The following CTNNA3 variants were observed in gnomAD, a reference collection of about 807,000 sequenced individuals.
The protein encoded by CTNNA3 is catenin alpha 3.
Under a neutral mutation model 95.7 loss-of-function variants are expected in CTNNA3, and 76 were observed. That is an observed-to-expected ratio of 0.79 (90% CI 0.66 to 0.96). The LOEUF (loss-of-function observed/expected upper bound fraction) is 0.96, where lower values mean the gene tolerates loss of function less well. Ranked by LOEUF, CTNNA3 falls within the 40% of genes least tolerant of loss-of-function variation. The pLI is 0.00. For synonymous variants in CTNNA3, 431 were observed against 374.4 expected, an observed-to-expected ratio of 1.15 and a Z score of -1.74; for missense variants, 1,191 against 1,089.8, an observed-to-expected ratio of 1.09 and a Z score of -1.31.
At chr10:67,131,828 G>A (rs1860022852) in intron 7 of CTNNA3, among the ~76,000 whole-genome samples, 1 of 152,094 alleles carries the variant, frequency 6.6e-6, no homozygotes, top group Non-Finnish European at 1.5e-5. Context: ...GAGAATAAGT[G>A]AAAGAAAATG....
intron 7 of CTNNA3, among the ~76,000 whole-genome samples, chr10:67,094,297 A>G (rs1325589167): frequency 6.6e-6 from 1 of 151,894 alleles, no homozygotes; most frequent in Non-Finnish European, 1.5e-5. Flanking sequence ...TGGATATTCT[A>G]ACGAAATAAG....
chr10:67,140,225 C>T (rs925818094), intron 7 of CTNNA3, among the ~76,000 whole-genome samples: 1 of 152,080 alleles, frequency 6.6e-6, no homozygotes, highest in Non-Finnish European at 1.5e-5. Context: ...GGTAAGTCAT[C>T]ACTTCTTTAT....
At chr10:67,567,603 A>G (rs551422372) in intron 3 of CTNNA3, among the ~76,000 whole-genome samples, 1 of 152,250 alleles carries the variant, frequency 6.6e-6, no homozygotes, top group East Asian at 1.9e-4. Context: ...AAAAATCTGT[A>G]TCCTTTCATG....
chr10:67,469,040 T>C (rs1222175396), intron 5 of CTNNA3, among the ~76,000 whole-genome samples: 1 of 152,204 alleles, frequency 6.6e-6, no homozygotes, highest in Admixed American at 6.5e-5. Context: ...CAGAGGTAGT[T>C]GGGAAATAAG....
chr10:66,064,592 A>T (rs1420886784), intron 15 of CTNNA3, among the ~76,000 whole-genome samples: 3 of 152,204 alleles, frequency 2.0e-5, no homozygotes, highest in Non-Finnish European at 4.4e-5. Flanking sequence ...TGCTCCATCA[A>T]GCTGGTGTGT....
intron 10 of CTNNA3, among the ~76,000 whole-genome samples, chr10:66,555,677 T>C (rs1842368095): frequency 6.6e-6 from 1 of 152,098 alleles, no homozygotes; most frequent in Non-Finnish European, 1.5e-5. Context: ...TTTAGTTCTC[T>C]TCATGAGAAG....
chr10:66,659,027 T>C (rs890877693), intron 9 of CTNNA3, among the ~76,000 whole-genome samples: 12 of 152,096 alleles, frequency 7.9e-5, no homozygotes, highest in African/African-American at 2.4e-4. Context: ...ATTTATTCAC[T>C]CATTCAACAT....
intron 9 of CTNNA3, among the ~76,000 whole-genome samples, chr10:66,754,044 A>G (rs1311287044): frequency 2.0e-5 from 3 of 152,184 alleles, no homozygotes; most frequent in Non-Finnish European, 4.4e-5. Flanking sequence ...AGATTCATAT[A>G]GAAATACAAG....
intron 7 of CTNNA3, among the ~76,000 whole-genome samples, chr10:67,048,312 C>T (rs540749444): frequency 1.3e-5 from 2 of 152,170 alleles, no homozygotes; most frequent in South Asian, 4.1e-4. Context: ...AAAAGCCAGT[C>T]TGTGATTTTG....
At chr10:67,367,426 T>C (rs1406587040) in intron 5 of CTNNA3, among the ~76,000 whole-genome samples, 2 of 151,588 alleles carry the variant, frequency 1.3e-5, no homozygotes, top group Non-Finnish European at 2.9e-5. Flanking sequence ...CAGATGTTGG[T>C]GAAGGCTACA....
intron 13 of CTNNA3, among the ~76,000 whole-genome samples, chr10:66,198,275 T>C: frequency 6.6e-6 from 1 of 152,194 alleles, no homozygotes; most frequent in East Asian, 1.9e-4. Flanking sequence ...TTCAAAGCGT[T>C]TTTAATGAGA....
intron 10 of CTNNA3, among the ~76,000 whole-genome samples, chr10:66,544,635 T>G (rs77998847): frequency 0.04 from 6,128 of 152,210 alleles, 205 homozygotes; most frequent in Middle Eastern, 0.075. Context: ...GTCGTACCAT[T>G]TGAGCAAATA....
intron 1 of CTNNA3, among the ~76,000 whole-genome samples, chr10:67,719,716 C>A (rs1042158370): frequency 6.6e-6 from 1 of 152,084 alleles, no homozygotes; most frequent in Admixed American, 6.6e-5. Flanking sequence ...TGCTTTACTT[C>A]CAATTTTGTG....
At chr10:66,991,572 A>T (rs1012609890) in intron 7 of CTNNA3, among the ~76,000 whole-genome samples, 9 of 152,106 alleles carry the variant, frequency 5.9e-5, no homozygotes, top group African/African-American at 1.9e-4. Context: ...AGTTTTTGAG[A>T]TGGAGTTTCG....
intron 10 of CTNNA3, among the ~76,000 whole-genome samples, chr10:66,560,399 C>A (rs1392276307): frequency 3.3e-5 from 5 of 151,814 alleles, no homozygotes; most frequent in Non-Finnish European, 5.9e-5. Flanking sequence ...ACAATAAATA[C>A]TTTAGTAGCT....
rs567229234 is a variant in CTNNA3, at chr10:66,061,476, A to G, written c.2159+7832T>C. On this transcript the variant is annotated intron_variant, in intron 15 of 17. Transcript: ENST00000433211. Reference sequence around the variant, plus strand: ...CGGATCCATATGGGTGGTCTCTGCTACAGTGCCACGCATAAATGCCTGTCC... The same window carrying G: ...CGGATCCATATGGGTGGTCTCTGCTGCAGTGCCACGCATAAATGCCTGTCC... 4.6e-5 allele frequency among the ~76,000 whole-genome samples: 7 copies of G among 152,226 alleles called. No individual in the cohort carries two copies. In the East Asian group the frequency reaches 1.4e-3, roughly 29 times the overall value.
At chr10:66,197,336 C>CTCTATCA (rs2087026400) in intron 13 of CTNNA3, among the ~76,000 whole-genome samples, 1 of 148,052 alleles carries the variant, frequency 6.8e-6, no homozygotes, top group African/African-American at 2.5e-5. Flanking sequence ...CAATCCAAAT[C>CTCTATCA]TCTATCTATC....
At chr10:67,066,247 C>A (rs1160694646) in intron 7 of CTNNA3, among the ~76,000 whole-genome samples, 1 of 139,794 alleles carries the variant, frequency 7.2e-6, no homozygotes, top group Non-Finnish European at 1.5e-5. Flanking sequence ...GGCTAGAGTG[C>A]AGTGGCACCA....
intron 9 of CTNNA3, among the ~76,000 whole-genome samples, chr10:66,677,525 A>G (rs1846903754): frequency 2.0e-5 from 3 of 152,152 alleles, no homozygotes; most frequent in Middle Eastern, 3.4e-3. Flanking sequence ...TAATTCCCAC[A>G]TGTCATGGGA....
Sources: gnomAD v4.1 joint callset for allele counts (sites outside exome capture counted in the v4.1 genomes callset) on GRCh38, gnomAD v4.1.1 for gene constraint, MANE v1.5 for transcripts, NCBI Gene and HGNC (gene_info 2026-07-23, HGNC 2026-07-21) for gene names.